The following RNF216 variants were observed in gnomAD, a reference collection of about 807,000 sequenced individuals.
The protein encoded by RNF216 is E3 ubiquitin-protein ligase RNF216.
In RNF216, 72 loss-of-function variants were observed where a neutral mutation model predicts 110.8. The ratio of observed to expected loss-of-function variants is 0.65; its 90% CI spans 0.54 to 0.79. RNF216 has a LOEUF of 0.79. Ranked by LOEUF, RNF216 falls within the 30% of genes least tolerant of loss-of-function variation. The pLI is 0.00. For synonymous variants in RNF216, 495 were observed against 407.5 expected (o/e 1.21, Z -2.59); for missense variants, 1,342 against 1,141.2 (o/e 1.18, Z -2.54).
intron 15 of RNF216, among the ~76,000 whole-genome samples, chr7:5,629,194 CAAAAAA>C (rs112745079): frequency 1.2e-5 from 1 of 82,934 alleles, no homozygotes; most frequent in Non-Finnish European, 2.8e-5. Context: ...GACTCTGTCT[CAAAAAA>C]AAAAAAAAAA....
chr7:5,656,384 G>A (rs1788743523), intron 13 of RNF216, among the ~76,000 whole-genome samples: 1 of 152,176 alleles, frequency 6.6e-6, no homozygotes, highest in African/African-American at 2.4e-5. Context: ...GCCCCAAAGG[G>A]CCATTTTGGA....
rs200027226 is a variant in RNF216 at position 5,622,902 on chromosome 7, G to A, written c.2730C>T (p.Asn910=). 3.6e-5 allele frequency: 58 copies of A among 1,612,332 alleles called. No homozygotes were observed. In the African/African-American group the frequency reaches 6.5e-4, roughly 18 times the overall value. The change falls in exon 17 of 17, where the codon AAC becomes AAT. Residue 910 remains asparagine (N), a synonymous_variant. Coordinates refer to ENST00000389902, the MANE Select transcript of RNF216 (RefSeq NM_207111.4). ...GCTGGGGGCCAAAGTGCATGGGCAGGTTGTGCTCCAGGGGCATGTGGATGG... is the reference window on the plus strand; with the variant it reads ...GCTGGGGGCCAAAGTGCATGGGCAGATTGTGCTCCAGGGGCATGTGGATGG... ...FGPIHMPLEH[N]LPMHFGPQPR...
intron 1 of RNF216, among the ~76,000 whole-genome samples, chr7:5,772,036 C>A (rs1031204198): frequency 7.9e-5 from 12 of 152,262 alleles, no homozygotes; most frequent in African/African-American, 2.6e-4. Context: ...GAGTTCGAGA[C>A]CAGCCTGACC....
chr7:5,675,714 C>CTTTTTTTTTTTTTTTTTTTTTTTT (rs754444984), intron 13 of RNF216, among the ~76,000 whole-genome samples: 1 of 141,222 alleles, frequency 7.1e-6, no homozygotes, highest in Non-Finnish European at 1.5e-5. Context: ...TATTCAAATT[C>CTTTTTTTTTTTTTTTTTTTTTTTT]TTTTTTTTTT....
At chr7:5,641,773 G>A (rs185503688) in intron 14 of RNF216, among the ~76,000 whole-genome samples, 124 of 152,166 alleles carry the variant, frequency 8.1e-4, no homozygotes, top group African/African-American at 2.6e-3. Flanking sequence ...GGTGGTGCAC[G>A]CCTGTAATCC....
intron 6 of RNF216, 74 bp from the exon 7 acceptor site, chr7:5,729,670 T>C: frequency 1.6e-6 from 2 of 1,226,500 alleles, no homozygotes; most frequent in Admixed American, 2.1e-5. Flanking sequence ...ATTTTAAGAA[T>C]TACATGTGTA....
chr7:5,685,483 G>A lies in RNF216; in HGVS notation c.2061+26278C>T, dbSNP rs112848914. Among the ~76,000 whole-genome samples the A allele has an allele frequency of 1.9e-3, 296 of 152,306 alleles. 5 individuals carry two copies. The highest frequency in any genetic ancestry group is 0.01 in the Middle Eastern group (3 of 294). On this transcript the variant is annotated intron_variant, in intron 13 of 16. Transcript: ENST00000389902. ...GTTCTGTTACTTTCCAAGACACTAA[G>A]GGATGCACACTAAACATTACAACTT...
chr7:5,752,914 T>G lies in RNF216; in HGVS notation c.133A>C (p.Met45Leu). Residue 45 changes from methionine (M) to leucine (L), a missense_variant, in exon 3 of 17, where the codon ATG (methionine) becomes CTG (leucine). Transcript: ENST00000389902. ...SDSSDEERIP[M>L]LVTPAPQQHE... ...TGCTGAGGAGCTGGGGTGACCAGCATTGGAATCCTTTCCTCATCTGAGGAG... is the reference window on the plus strand; with the variant it reads ...TGCTGAGGAGCTGGGGTGACCAGCAGTGGAATCCTTTCCTCATCTGAGGAG... 6.2e-7 allele frequency: 1 copy of G among 1,611,932 alleles called. No homozygotes were observed. The highest frequency in any genetic ancestry group is 1.1e-5 in the South Asian group (1 of 90,318).
chr7:5,759,770 T>C (rs1436347294), intron 2 of RNF216, among the ~76,000 whole-genome samples: 4 of 151,864 alleles, frequency 2.6e-5, no homozygotes, highest in Non-Finnish European at 5.9e-5. Flanking sequence ...TAGCTGGGAC[T>C]ACAGGCATGC....
At chr7:5,673,886 A>T (rs1188273403) in intron 13 of RNF216, among the ~76,000 whole-genome samples, 3 of 126,454 alleles carry the variant, frequency 2.4e-5, no homozygotes, top group Non-Finnish European at 4.7e-5. Context: ...TTTGAGACAG[A>T]GTCTTGCTCT....
intron 13 of RNF216, among the ~76,000 whole-genome samples, chr7:5,678,073 G>T (rs1443812790): frequency 1.3e-5 from 2 of 152,102 alleles, no homozygotes; most frequent in African/African-American, 4.8e-5. Context: ...TTTCCTCCCA[G>T]TTCAGAGATG....
chr7:5,768,564 G>C (rs11772087), intron 1 of RNF216, among the ~76,000 whole-genome samples: 5 of 152,012 alleles, frequency 3.3e-5, no homozygotes, highest in Non-Finnish European at 4.4e-5. Context: ...ATGCCATGCC[G>C]TAACAAATTT....
chr7:5,740,675 T>G (rs994824367), intron 4 of RNF216, among the ~76,000 whole-genome samples: 1 of 152,124 alleles, frequency 6.6e-6, no homozygotes, highest in Non-Finnish European at 1.5e-5. Flanking sequence ...GGGTTTCCAT[T>G]TGGAGTGAAC....
intron 9 of RNF216, among the ~76,000 whole-genome samples, 171 bp downstream of exon 9, chr7:5,720,862 C>A (rs563177151): frequency 6.6e-6 from 1 of 152,296 alleles, no homozygotes; most frequent in East Asian, 1.9e-4. Flanking sequence ...AAACCACAAA[C>A]ATAAGTATTA....
At chr7:5,748,979 T>A (rs956504980) in intron 3 of RNF216, among the ~76,000 whole-genome samples, 13 of 152,136 alleles carry the variant, frequency 8.5e-5, no homozygotes, top group African/African-American at 3.1e-4. Context: ...TCTACCAAAA[T>A]ATATGAGAGA....
chr7:5,752,792 A>C, intron 3 of RNF216, 54 bp downstream of exon 3: 1 of 1,588,896 alleles, frequency 6.3e-7, no homozygotes, highest in Non-Finnish European at 8.6e-7. Context: ...GTGGCTGAAA[A>C]ATCAGATCAC....
rs1170406623 is a variant in RNF216, at chr7:5,624,656, G to A, written c.2383-531C>T. Among the ~76,000 whole-genome samples, 1 of 152,248 alleles carries A rather than the reference G, an allele frequency of 6.6e-6. No individual in the cohort carries two copies. Among genetic ancestry groups the A allele is most frequent in the Non-Finnish European group, 1.5e-5 (1 of 68,046 alleles). ...CAGGCCTCGGGGAGAGGAGGAAGGT[G>A]CGACAGTGAGGATGGTCCCCCTCGG... On this transcript the variant is annotated intron_variant, in intron 15 of 16. Transcript: ENST00000389902. The surrounding 1 kb of genome is among the most constrained non-coding windows in gnomAD (Gnocchi z 4.4).
chr7:5,744,722 C>A (rs956245551), intron 3 of RNF216, among the ~76,000 whole-genome samples: 3 of 152,164 alleles, frequency 2.0e-5, no homozygotes, highest in African/African-American at 7.2e-5. Flanking sequence ...CCTATAATCC[C>A]AGCACTTTGG....
rs199768007 is a variant in RNF216 at position 5,632,005 on chromosome 7, A to T, written c.2383-7880T>A. Among the ~76,000 whole-genome samples, 6 of 152,282 alleles carry T rather than the reference A, an allele frequency of 3.9e-5. No homozygotes were observed. In the Middle Eastern group the frequency reaches 0.01, roughly 259 times the overall value. On this transcript the variant is annotated intron_variant, in intron 15 of 16. Coordinates refer to ENST00000389902, the MANE Select transcript of RNF216 (RefSeq NM_207111.4). Reference sequence around the variant, plus strand: ...CTCAGAAGATGCAGAGAGTGGCTGGACCACCAAGGTGGGCAGTGTGCTGAG... The same window carrying T: ...CTCAGAAGATGCAGAGAGTGGCTGGTCCACCAAGGTGGGCAGTGTGCTGAG...
Sources: allele counts gnomAD v4.1 joint callset (sites outside exome capture counted in the v4.1 genomes callset), GRCh38; gene constraint gnomAD v4.1.1; non-coding constraint Gnocchi (gnomAD v3.1); transcripts MANE v1.5; gene names NCBI Gene and HGNC (gene_info 2026-07-23, HGNC 2026-07-21).